Variants in TMEM128 observed in about 807,000 individuals in gnomAD.
The protein encoded by TMEM128 is transmembrane protein 128.
TMEM128 carries 16 observed loss-of-function variants against 19.7 expected under a neutral mutation model. The ratio of observed to expected loss-of-function variants is 0.81; its 90% CI spans 0.55 to 1.23. The LOEUF is 1.23. Ranked by LOEUF, TMEM128 falls within the 50% of genes most tolerant of loss-of-function variation. The pLI is 0.00. For synonymous variants in TMEM128, 98 were observed against 75.8 expected, an observed-to-expected ratio of 1.29 and a Z score of -1.52; for missense variants, 237 against 200.8, an observed-to-expected ratio of 1.18 and a Z score of -1.09.
chr4:4,247,878 A>G lies in TMEM128; in HGVS notation c.97+228T>C, dbSNP rs567234175. 82 of 1,430,112 alleles carry G rather than the reference A, an allele frequency of 5.7e-5. No individual in the cohort carries two copies. In the African/African-American group the frequency reaches 1.1e-3, roughly 20 times the overall value. 88.6% of individuals were successfully genotyped at this position (1,430,112 alleles called of 1,614,324 possible). Reference sequence around the variant, plus strand: ...AAACTGGTGGGTATTTTTAATTTTAATCGCTATTTCCAAATAGGTGTCAAA... The same window carrying G: ...AAACTGGTGGGTATTTTTAATTTTAGTCGCTATTTCCAAATAGGTGTCAAA... On this transcript the variant is annotated intron_variant, in intron 1 of 4. Transcript: ENST00000382753.
intron 4 of TMEM128, among the ~76,000 whole-genome samples, 152 bp from the exon 5 acceptor site, chr4:4,236,408 A>G (rs140998599): frequency 4.6e-5 from 7 of 152,346 alleles, no homozygotes; most frequent in Admixed American, 2.0e-4. Flanking sequence ...CTGAGTCTCC[A>G]TTACCAATTA....
intron 2 of TMEM128, among the ~76,000 whole-genome samples, chr4:4,243,164 C>G (rs1489071329): frequency 2.0e-5 from 3 of 152,176 alleles, no homozygotes; most frequent in Non-Finnish European, 2.9e-5. Flanking sequence ...ACTGCAATCT[C>G]CACCTGCTGG....
chr4:4,239,128 T>C lies in TMEM128; in HGVS notation c.398+1193A>G, dbSNP rs113916803. On this transcript the variant is annotated intron_variant, in intron 3 of 4. Transcript: ENST00000382753. ...AAAAGTAGTTTTCTTTCTGGTTGAA[T>C]CATAGGATATATTTCCTTTGTGTTT... is the stretch of plus-strand genomic sequence containing the variant. Among the ~76,000 whole-genome samples the C allele has an allele frequency of 9.9e-3, 1,511 of 152,336 alleles. 11 individuals are homozygous for C. Among genetic ancestry groups the C allele is most frequent in the Middle Eastern group, 0.037 (11 of 294 alleles).
intron 3 of TMEM128, 26 bp downstream of exon 3, chr4:4,240,294 CT>C: frequency 6.2e-7 from 1 of 1,610,884 alleles, no homozygotes; most frequent in Non-Finnish European, 8.5e-7. Flanking sequence ...TTGTTCATTC[CT>C]GTTAGTCATT....
intron 1 of TMEM128, 140 bp from the exon 2 acceptor site, chr4:4,246,483 G>A (rs1006273783): frequency 1.2e-6 from 1 of 818,896 alleles, no homozygotes; most frequent in African/African-American, 1.7e-5. Flanking sequence ...AAACCCTTGA[G>A]ATAGGTTTAT....
intron 3 of TMEM128, among the ~76,000 whole-genome samples, chr4:4,238,368 G>A (rs971396997): frequency 1.3e-5 from 2 of 152,128 alleles, no homozygotes; most frequent in Non-Finnish European, 2.9e-5. Flanking sequence ...ATCTTTCATT[G>A]AGAAAAACAC....
chr4:4,246,370 T>C (rs1371862222), intron 1 of TMEM128, 27 bp from the exon 2 acceptor site: 6 of 1,576,886 alleles, frequency 3.8e-6, no homozygotes, highest in South Asian at 1.2e-5. Flanking sequence ...TTTCAACTTA[T>C]TAAGTTACCA....
chr4:4,244,880 G>A (rs1343967748), intron 2 of TMEM128, among the ~76,000 whole-genome samples: 1 of 152,154 alleles, frequency 6.6e-6, no homozygotes, highest in African/African-American at 2.4e-5. Flanking sequence ...GTGACATGGA[G>A]GGGCAGAAGA....
chr4:4,247,450 A>G (rs751421412), intron 1 of TMEM128: 3 of 1,065,950 alleles, frequency 2.8e-6, no homozygotes, highest in Non-Finnish European at 4.0e-6. Context: ...ACGTGGTTTT[A>G]AAACATATGA....
chr4:4,243,711 T>C (rs987076899), intron 2 of TMEM128, among the ~76,000 whole-genome samples: 1 of 152,208 alleles, frequency 6.6e-6, no homozygotes, highest in South Asian at 2.1e-4. Flanking sequence ...GACAGATCTA[T>C]GACTTCTACT....
At chr4:4,243,219 A>G (rs1718032170) in intron 2 of TMEM128, among the ~76,000 whole-genome samples, 1 of 152,116 alleles carries the variant, frequency 6.6e-6, no homozygotes, top group Admixed American at 6.5e-5. Context: ...AGCTGGGACT[A>G]CAGGCGCCCG....
At chr4:4,238,597 GA>G (rs1717820092) in intron 3 of TMEM128, among the ~76,000 whole-genome samples, 1 of 152,008 alleles carries the variant, frequency 6.6e-6, no homozygotes, top group Non-Finnish European at 1.5e-5. Flanking sequence ...ACCCTCATGG[GA>G]AAAAGTAAAA....
intron 2 of TMEM128, among the ~76,000 whole-genome samples, chr4:4,240,710 C>G (rs1323495858): frequency 6.6e-6 from 1 of 152,194 alleles, no homozygotes; most frequent in African/African-American, 2.4e-5. Flanking sequence ...GAAATACATG[C>G]ATTTATATAT....
intron 2 of TMEM128, among the ~76,000 whole-genome samples, chr4:4,245,774 GAATA>G (rs1163878552): frequency 5.3e-5 from 8 of 151,510 alleles, no homozygotes; most frequent in African/African-American, 1.9e-4. Context: ...ACACACACAT[GAATA>G]TATACATATA....
chr4:4,245,789 T>C (rs1320677965), intron 2 of TMEM128, among the ~76,000 whole-genome samples: 1 of 152,038 alleles, frequency 6.6e-6, no homozygotes, highest in Non-Finnish European at 1.5e-5. Context: ...TATACATATA[T>C]ACATATATAT....
In TMEM128 at chr4:4,237,567, CCA is replaced by C. The variant is rs1445248831; in HGVS notation, c.*9+258_*9+259del. Among the ~76,000 whole-genome samples the C allele has an allele frequency of 3.3e-5, 5 of 152,238 alleles. No individual in the cohort carries two copies. The East Asian group carries it at 9.7e-4, about 29-fold the overall frequency. ...TGAGGTGGGAGGATTGCTTGAGCCC[CCA>C]AGTGGTCAAGGCTGCAGTGAGCTGT... On this transcript the variant is annotated intron_variant, in intron 4 of 4. Coordinates refer to ENST00000382753, the MANE Select transcript of TMEM128 (RefSeq NM_001297551.2).
chr4:4,241,627 C>T (rs76794256), intron 2 of TMEM128, among the ~76,000 whole-genome samples: 21,715 of 152,116 alleles, frequency 0.14, 1,988 homozygotes, highest in Non-Finnish European at 0.21. Flanking sequence ...AGGCTTTTTA[C>T]GATGATGCAA....
At chr4:4,247,881 G>A in intron 1 of TMEM128, 1 of 1,429,514 alleles carries the variant, frequency 7.0e-7, no homozygotes, top group Non-Finnish European at 9.1e-7. Flanking sequence ...AATTTTAATC[G>A]CTATTTCCAA....
At chr4:4,243,434 C>A (rs987433234) in intron 2 of TMEM128, among the ~76,000 whole-genome samples, 7 of 152,090 alleles carry the variant, frequency 4.6e-5, no homozygotes, top group African/African-American at 1.2e-4. Context: ...ATATAAAGAA[C>A]CTTAAGGCCT....
Sources: allele counts gnomAD v4.1 joint callset (sites outside exome capture counted in the v4.1 genomes callset), GRCh38; gene constraint gnomAD v4.1.1; transcripts MANE v1.5; gene names NCBI Gene and HGNC (gene_info 2026-07-23, HGNC 2026-07-21).